CLEC16A: variants seen among roughly 807,000 people sequenced by gnomAD.
CLEC16A encodes C-type lectin domain containing 16A, also known as protein CLEC16A.
Under a neutral mutation model 109.5 loss-of-function variants are expected in CLEC16A, and 51 were observed. The ratio of observed to expected loss-of-function variants is 0.47; its 90% CI spans 0.37 to 0.59. CLEC16A has a LOEUF of 0.59. Among genes scored for constraint, CLEC16A ranks in the 20% least tolerant of loss-of-function variants. CLEC16A has a pLI of 0.00. For synonymous variants in CLEC16A, 673 were observed against 564.2 expected, an observed-to-expected ratio of 1.19 and a Z score of -2.73; for missense variants, 1,339 against 1,394.0, an observed-to-expected ratio of 0.96 and a Z score of 0.63.
At chr16:11,095,456 A>T (rs2050550225) in intron 19 of CLEC16A, among the ~76,000 whole-genome samples, 2 of 152,270 alleles carry the variant, frequency 1.3e-5, no homozygotes, top group African/African-American at 4.8e-5. Flanking sequence ...CCACTCCAGG[A>T]ACAGAGTCCA....
At chr16:11,177,752 C>A (rs1168384026) in intron 23 of CLEC16A, among the ~76,000 whole-genome samples, 1 of 152,142 alleles carries the variant, frequency 6.6e-6, no homozygotes, top group Non-Finnish European at 1.5e-5. Context: ...ACCACAGCAG[C>A]CCCTTGGTGG....
chr16:11,020,071 C>A, intron 11 of CLEC16A, 122 bp from the exon 12 acceptor site: 2 of 1,171,000 alleles, frequency 1.7e-6, no homozygotes, highest in Non-Finnish European at 2.3e-6. Context: ...TCGCTGCTGT[C>A]GGACATGTGC....
chr16:11,065,178 G>C (rs545643573), intron 19 of CLEC16A, among the ~76,000 whole-genome samples: 3 of 152,182 alleles, frequency 2.0e-5, no homozygotes, highest in African/African-American at 7.2e-5. Context: ...AGAAACCACA[G>C]ATTCCTTGGG....
chr16:11,046,838 A>G (rs1376328535), intron 16 of CLEC16A, among the ~76,000 whole-genome samples: 1 of 152,196 alleles, frequency 6.6e-6, no homozygotes, highest in African/African-American at 2.4e-5. Flanking sequence ...AGAACAAGCC[A>G]TGTAATTGTA....
intron 19 of CLEC16A, among the ~76,000 whole-genome samples, chr16:11,097,642 T>C (rs2050681971): frequency 6.6e-6 from 1 of 152,188 alleles, no homozygotes; most frequent in South Asian, 2.1e-4. Flanking sequence ...AGCCTCCGTA[T>C]TTACTGGTGT....
chr16:11,068,370 C>T lies in CLEC16A; in HGVS notation c.2116+7348C>T, dbSNP rs969292214. Among the ~76,000 whole-genome samples the T allele has an allele frequency of 9.9e-5, 15 of 152,138 alleles. 1 individual carries two copies. The highest frequency in any genetic ancestry group is 4.6e-4 in the Admixed American group (7 of 15,268). On this transcript the variant is annotated intron_variant, in intron 19 of 23. Transcript: ENST00000409790. ...ATGTTTTAAAATCAGGATATTTTAT[C>T]GTAAAAACCTAGCTATCACCTTGAA...
intron 11 of CLEC16A, among the ~76,000 whole-genome samples, chr16:11,003,913 C>T (rs1264074899): frequency 6.8e-6 from 1 of 146,480 alleles, no homozygotes; most frequent in Admixed American, 6.9e-5. Flanking sequence ...GTGGGAGGAT[C>T]ACTTGAGCCC....
chr16:10,948,173 A>G (rs56351428), intron 1 of CLEC16A, among the ~76,000 whole-genome samples: 6,887 of 152,304 alleles, frequency 0.045, 221 homozygotes, highest in Middle Eastern at 0.071. Flanking sequence ...GATTACAGGC[A>G]TGAGCCACTG....
At chr16:11,160,564 A>G (rs1180538217) in intron 22 of CLEC16A, among the ~76,000 whole-genome samples, 4 of 152,164 alleles carry the variant, frequency 2.6e-5, no homozygotes, top group Non-Finnish European at 4.4e-5. Flanking sequence ...CAGCAGGTAC[A>G]GGGCAGCTTT....
rs1165038798 is a variant in CLEC16A at position 11,178,387 on chromosome 16, A to G, written c.2859A>G (p.Val953=). The stretch of plus-strand genomic sequence containing the variant: ...AGCCTCACCTTCCTGACCAGTTGGT[A>G]ATCGTCAACGAAACGGAAGCAGACT... ...LPKPHLPDQL[V]IVNETEADSK... is the part of the protein sequence containing the mutation. Residue 953 remains valine (V), a synonymous_variant, in exon 24 of 24, where the codon GTA becomes GTG. Coordinates refer to ENST00000409790, the MANE Select transcript of CLEC16A (RefSeq NM_015226.3). This position sits in a 1 kb window ranked among gnomAD's most constrained non-coding sequence, Gnocchi z 6.5. 3.7e-6 allele frequency: 6 copies of G among 1,613,702 alleles called. No individual in the cohort carries two copies. The highest frequency in any genetic ancestry group is 5.1e-6 in the Non-Finnish European group (6 of 1,179,858).
Position 10,977,255 on chromosome 16 carries a change from G to C in CLEC16A, c.759G>C (p.Leu253=), listed in dbSNP as rs201205608. 2 of 1,613,780 alleles carry C rather than the reference G, an allele frequency of 1.2e-6. No individual in the cohort carries two copies. Among genetic ancestry groups the C allele is most frequent in the African/African-American group, 2.7e-5 (2 of 74,880 alleles). ...GGAATCGGGGTAAACTGAGTGATCT[G>C]GTGGCAGAGCACCTAGACCACCTGC... The part of the protein sequence containing the change: ...EHRNRGKLSD[L]VAEHLDHLHY... Residue 253 remains leucine, a synonymous_variant, in exon 8 of 24, where the codon CTG becomes CTC. Coordinates refer to ENST00000409790, the MANE Select transcript of CLEC16A (RefSeq NM_015226.3).
chr16:11,027,397 C>G (rs1190967076), intron 13 of CLEC16A: 1 of 1,425,502 alleles, frequency 7.0e-7, no homozygotes, highest in East Asian at 2.3e-5. Context: ...AAAGTCACCC[C>G]CCAGAATCTA....
chr16:11,121,879 CAAAAA>C (rs536067685), intron 20 of CLEC16A, among the ~76,000 whole-genome samples: 5 of 29,828 alleles, frequency 1.7e-4, no homozygotes, highest in Non-Finnish European at 1.2e-4. Flanking sequence ...GACCCTGTCT[CAAAAA>C]AAAAAAAAAA....
intron 22 of CLEC16A, among the ~76,000 whole-genome samples, chr16:11,162,364 T>C (rs1440255908): frequency 6.6e-6 from 1 of 152,224 alleles, no homozygotes; most frequent in Non-Finnish European, 1.5e-5. Flanking sequence ...CAGGAGGATG[T>C]TAGGATCGGG....
At chr16:11,166,853 C>A (rs76939267) in intron 23 of CLEC16A, among the ~76,000 whole-genome samples, 2,149 of 152,320 alleles carry the variant, frequency 0.014, 20 homozygotes, top group Admixed American at 0.022. Flanking sequence ...CCTATCATCA[C>A]CTCCACAGTC....
At chr16:11,125,167 C>T (rs933763657) in intron 21 of CLEC16A, among the ~76,000 whole-genome samples, 1 of 152,208 alleles carries the variant, frequency 6.6e-6, no homozygotes, top group African/African-American at 2.4e-5. Flanking sequence ...AGGCCCGCGT[C>T]CCACGTTGTC....
intron 19 of CLEC16A, among the ~76,000 whole-genome samples, chr16:11,099,682 G>A (rs549128460): frequency 1.3e-5 from 2 of 152,306 alleles, no homozygotes; most frequent in East Asian, 3.9e-4. Flanking sequence ...CTCTGCTGGG[G>A]CCCAGGCGTC....
At chr16:11,017,839 A>T (rs2045850686) in intron 11 of CLEC16A, among the ~76,000 whole-genome samples, 1 of 152,148 alleles carries the variant, frequency 6.6e-6, no homozygotes, top group Non-Finnish European at 1.5e-5. Flanking sequence ...GGTCATCACA[A>T]GCAAGGACAG....
intron 19 of CLEC16A, among the ~76,000 whole-genome samples, chr16:11,096,315 A>T (rs865865315): frequency 6.6e-6 from 1 of 152,138 alleles, no homozygotes. Context: ...ACCGCACTCC[A>T]TCCTGGGTGA....
Sources: gnomAD v4.1 joint callset for allele counts (sites outside exome capture counted in the v4.1 genomes callset) on GRCh38, gnomAD v4.1.1 for gene constraint, Gnocchi (gnomAD v3.1) non-coding constraint, MANE v1.5 for transcripts, NCBI Gene and HGNC (gene_info 2026-07-23, HGNC 2026-07-21) for gene names.